The following TOX2 variants were observed in gnomAD, a reference collection of about 807,000 sequenced individuals.
The protein encoded by TOX2 is TOX high mobility group box family member 2, also known as granulosa cell HMG box 1.
A neutral mutation model predicts 47.4 loss-of-function variants in TOX2; 15 were observed. That is an observed-to-expected ratio of 0.32 (90% CI 0.21 to 0.49). TOX2 has a LOEUF of 0.49. TOX2 is among the 20% of genes least tolerant of loss of function. TOX2 has a pLI of 0.99. For missense variants in TOX2, 622 were observed against 673.1 expected (o/e 0.92, Z 0.84); for synonymous variants, 290 against 296.6 (o/e 0.98, Z 0.23).
chr20:43,997,986 C>T (rs1012240797), intron 2 of TOX2, among the ~76,000 whole-genome samples: 4 of 152,058 alleles, frequency 2.6e-5, no homozygotes, highest in African/African-American at 9.7e-5. Flanking sequence ...CTACCTGAGA[C>T]TGGGTAGTTT....
At chr20:43,940,762 A>G (rs938612461) in intron 1 of TOX2, among the ~76,000 whole-genome samples, 1 of 152,182 alleles carries the variant, frequency 6.6e-6, no homozygotes, top group Non-Finnish European at 1.5e-5. Context: ...CATGGGATTA[A>G]GCAAACACAA....
At chr20:43,952,432 T>G (rs1049845587) in intron 1 of TOX2, among the ~76,000 whole-genome samples, 2 of 152,208 alleles carry the variant, frequency 1.3e-5, no homozygotes, top group Non-Finnish European at 2.9e-5. Flanking sequence ...GCTCTTACTA[T>G]GTGTTCCATG....
intron 2 of TOX2, among the ~76,000 whole-genome samples, chr20:43,991,146 C>T (rs1235662048): frequency 6.6e-6 from 1 of 152,130 alleles, no homozygotes; most frequent in Admixed American, 6.5e-5. Flanking sequence ...GTGATTTGTC[C>T]AAGGTCACAC....
rs968008300 is a variant in TOX2, at chr20:44,058,759, G to C, written c.879+4233G>C. 3.5e-4 allele frequency among the ~76,000 whole-genome samples: 54 copies of C among 152,154 alleles called. 1 individual carries two copies. Among genetic ancestry groups the C allele is most frequent in the African/African-American group, 1.3e-3 (53 of 41,436 alleles). On this transcript the variant is annotated intron_variant, in intron 5 of 8. Transcript: ENST00000341197. ...ACTCCCCAGTACTAGCCCAGAGCCCGGTAGCTCCGCTGGGTGGCTAGATCC... is the reference window on the plus strand; with the variant it reads ...ACTCCCCAGTACTAGCCCAGAGCCCCGTAGCTCCGCTGGGTGGCTAGATCC...
chr20:44,065,773 C>T lies in TOX2; in HGVS notation c.1022C>T (p.Pro341Leu), dbSNP rs747099792. 1.2e-6 allele frequency: 2 copies of T among 1,610,540 alleles called. No individual in the cohort carries two copies. Among genetic ancestry groups the T allele is most frequent in the South Asian group, 2.2e-5 (2 of 90,894 alleles). ...TQANPPAKML[P>L]PKQPMYAMPG... ...GCAAACCCACCAGCCAAAATGCTCC[C>T]ACCCAAGCAGCCCATGTATGCCATG... The change falls in exon 7 of 9, where the codon CCA becomes CTA. Residue 341 changes from proline to leucine, a missense_variant. This residue lies in a region of TOX2 where 294 missense variants were observed against 300.0 expected (regional missense o/e 0.98). Transcript: ENST00000341197.
chr20:43,939,939 T>C (rs2069379808), intron 1 of TOX2, among the ~76,000 whole-genome samples: 1 of 152,160 alleles, frequency 6.6e-6, no homozygotes, highest in Admixed American at 6.5e-5. Flanking sequence ...GAGGTTTCCT[T>C]CTGTAGTTAA....
intron 2 of TOX2, among the ~76,000 whole-genome samples, chr20:43,974,664 G>A (rs1306593373): frequency 6.6e-6 from 1 of 152,344 alleles, no homozygotes; most frequent in South Asian, 2.1e-4. Context: ...GGCAATAGAA[G>A]CCTATTAATT....
At chr20:43,929,359 T>C (rs6130482) in intron 1 of TOX2, among the ~76,000 whole-genome samples, 41,211 of 152,016 alleles carry the variant, frequency 0.27, 8,327 homozygotes, top group East Asian at 0.54. Context: ...CACGTGAGCT[T>C]GCCTCTGCCT....
intron 1 of TOX2, chr20:43,945,794 TATACGAATGGG>T: frequency 7.1e-7 from 1 of 1,415,726 alleles, no homozygotes; most frequent in South Asian, 1.2e-5. Context: ...CATTTCACCT[TATACGAATGGG>T]ATGGGGGGTG....
intron 2 of TOX2, among the ~76,000 whole-genome samples, chr20:43,995,204 C>T (rs2070450390): frequency 6.6e-6 from 1 of 152,128 alleles, no homozygotes; most frequent in Non-Finnish European, 1.5e-5. Flanking sequence ...TGCTACAATA[C>T]TCCAGATCTG....
rs1215253400 is a variant in TOX2, at chr20:44,069,142, CTG to C, written c.*458_*459del. On this transcript the variant is annotated 3_prime_UTR_variant, in exon 9 of 9. Transcript: ENST00000341197. ...AACAAAAGATTACGAAACCTAGAAA[CTG>C]TTGGTTCCGTGTAAGTAGTTGACTA... 2 of 352,278 alleles carry C rather than the reference CTG, an allele frequency of 5.7e-6. No individual in the cohort carries two copies. Among genetic ancestry groups the C allele is most frequent in the Non-Finnish European group, 1.1e-5 (2 of 178,548 alleles). 21.8% of individuals were successfully genotyped at this position (352,278 alleles called of 1,614,324 possible).
In TOX2 at chr20:44,030,979, G is replaced by A. The variant is rs549677258; in HGVS notation, c.412-20327G>A. 3.8e-4 allele frequency among the ~76,000 whole-genome samples: 58 copies of A among 152,296 alleles called. 1 individual carries two copies. The South Asian group carries it at 0.012, about 31-fold the overall frequency. ...AAAACCCTCAGTAACAACTGGGGAGGCATTTTGATGGAAGGGGTTTTGAGG... is the reference window on the plus strand; with the variant it reads ...AAAACCCTCAGTAACAACTGGGGAGACATTTTGATGGAAGGGGTTTTGAGG... On this transcript the variant is annotated intron_variant, in intron 3 of 8. Transcript: ENST00000341197.
chr20:43,932,593 C>G (rs143992715), intron 1 of TOX2, among the ~76,000 whole-genome samples: 1 of 152,220 alleles, frequency 6.6e-6, no homozygotes, highest in South Asian at 2.1e-4. Context: ...AAACACACGT[C>G]TGGATTATTG....
chr20:43,949,050 C>T lies in TOX2; in HGVS notation c.100-24317C>T, dbSNP rs1261145741. 2.6e-5 allele frequency among the ~76,000 whole-genome samples: 4 copies of T among 152,256 alleles called. No individual in the cohort carries two copies. In the East Asian group the frequency reaches 7.7e-4, roughly 29 times the overall value. On this transcript the variant is annotated intron_variant, in intron 1 of 8. Coordinates refer to ENST00000341197, the MANE Select transcript of TOX2 (RefSeq NM_001098797.2). ...AAGGCAGCTTTGATTTGCATGTCCT[C>T]ACCCCAGGGGCTCATCTAGAAGGAA...
intron 8 of TOX2, 56 bp from the exon 9 acceptor site, chr20:44,068,594 T>TCCCCTGGCCCGGAGAGGTA: frequency 6.4e-7 from 1 of 1,570,726 alleles, no homozygotes; most frequent in Non-Finnish European, 8.7e-7. Flanking sequence ...GTCCTGGTGC[T>TCCCCTGGCCCGGAGAGGTA]CCCCTGGCCC....
At chr20:44,055,516 A>G (rs184668921) in intron 5 of TOX2, among the ~76,000 whole-genome samples, 1 of 152,322 alleles carries the variant, frequency 6.6e-6, no homozygotes, top group African/African-American at 2.4e-5. Context: ...AAGAGTACCC[A>G]TGGCAGAGAC....
At chr20:43,992,177 A>C (rs1274967276) in intron 2 of TOX2, among the ~76,000 whole-genome samples, 1 of 152,114 alleles carries the variant, frequency 6.6e-6, no homozygotes. Context: ...CCGCAGTGGG[A>C]GTGTGCCTGG....
intron 3 of TOX2, among the ~76,000 whole-genome samples, chr20:44,021,737 T>C (rs1600746572): frequency 6.6e-6 from 1 of 151,994 alleles, no homozygotes; most frequent in Non-Finnish European, 1.5e-5. Context: ...CAAGCAATCC[T>C]CCTGCCTCAG....
At chr20:43,949,382 G>T (rs534499158) in intron 1 of TOX2, among the ~76,000 whole-genome samples, 401 of 152,276 alleles carry the variant, frequency 2.6e-3, no homozygotes, top group African/African-American at 9.3e-3. Flanking sequence ...TGTTCTTCTC[G>T]CAGCAGCCAG....
Sources: allele counts gnomAD v4.1 joint callset (sites outside exome capture counted in the v4.1 genomes callset), GRCh38; gene constraint gnomAD v4.1.1; regional missense constraint gnomAD v4.1.1; transcripts MANE v1.5; gene names NCBI Gene and HGNC (gene_info 2026-07-23, HGNC 2026-07-21).